The following SLF2 variants were observed in gnomAD, a reference collection of about 807,000 sequenced individuals.
SLF2 encodes SMC5-SMC6 complex localization factor protein 2.
Under a neutral mutation model 124.3 loss-of-function variants are expected in SLF2, and 68 were observed. The observed-to-expected ratio is 0.55, with a 90% CI of 0.45 to 0.67. The LOEUF is 0.67. SLF2 is among the 30% of genes least tolerant of loss of function. The probability of loss-of-function intolerance (pLI) is 0.00; values close to 1 mark genes in which losing one functional copy is unlikely to be tolerated. For synonymous variants in SLF2, 480 were observed against 478.8 expected (o/e 1.00, Z -0.03); for missense variants, 1,246 against 1,373.7 (o/e 0.91, Z 1.47).
At chr10:100,936,508 T>C (rs1053729569) in intron 9 of SLF2, among the ~76,000 whole-genome samples, 36 of 152,120 alleles carry the variant, frequency 2.4e-4, no homozygotes, top group African/African-American at 8.2e-4. Context: ...TAATTCTTTT[T>C]GTATTTTTAG....
At chr10:100,922,030 C>G (rs1849531322) in intron 4 of SLF2, among the ~76,000 whole-genome samples, 1 of 152,158 alleles carries the variant, frequency 6.6e-6, no homozygotes, top group African/African-American at 2.4e-5. Flanking sequence ...ATATATTGAT[C>G]AAGCTATCCA....
In SLF2 at chr10:100,916,573, GAC is replaced by G; in HGVS notation, c.192_193del (p.Met65ValfsTer15). The G allele has an allele frequency of 1.5e-6, 2 of 1,355,590 alleles. No homozygotes were observed. The highest frequency in any genetic ancestry group is 1.9e-6 in the Non-Finnish European group (2 of 1,046,694). The allele number at this position is 1,355,590 out of a possible 1,614,324, so 84.0% of individuals were successfully genotyped here. Reference sequence around the variant, plus strand: ...TGTGTTTTAATTGGCTATTTAGACAGACACATGTTGGATTCACCACAAAAATC... The same window carrying G: ...TGTGTTTTAATTGGCTATTTAGACAGACATGTTGGATTCACCACAAAAATC... On this transcript the variant is annotated frameshift_variant, in exon 3 of 20. Transcript: ENST00000238961. LOFTEE classifies it high-confidence loss of function.
At position 100,924,029 on chromosome 10, in the gene SLF2, C is replaced by T; in HGVS notation, c.1028C>T (p.Ser343Leu). ...AAAAGAAAAAGGAACTCTGTGGACT[C>T]AGATCTGAAAAGCACAAGAGAATCT... ...PEKRKRNSVD[S>L]DLKSTRESMI... The change falls in exon 5 of 20, where the codon TCA becomes TTA. Residue 343 changes from serine (S) to leucine (L), a missense_variant. Coordinates refer to ENST00000238961, the MANE Select transcript of SLF2 (RefSeq NM_018121.4). 1 of 1,584,578 alleles carries T rather than the reference C, an allele frequency of 6.3e-7. No individual in the cohort carries two copies. The highest frequency in any genetic ancestry group is 8.5e-7 in the Non-Finnish European group (1 of 1,170,454).
At chr10:100,939,209 T>C (rs1033980708) in intron 11 of SLF2, among the ~76,000 whole-genome samples, 3 of 152,196 alleles carry the variant, frequency 2.0e-5, no homozygotes, top group African/African-American at 7.2e-5. Context: ...TTCAAATATC[T>C]GAAGTGTAAC....
In SLF2 at chr10:100,937,404, G is replaced by T; in HGVS notation, c.2439G>T (p.Met813Ile). The stretch of plus-strand genomic sequence containing the variant: ...TGTCATTTCTCTGCTTTTGACAGAT[G>T]ATGTCAGTTCATACAGACTGTATTG... ...PVPVLKWLFR[M>I]MSVHTDCIVS... Residue 813 changes from methionine (M) to isoleucine (I), a missense_variant and splice_region_variant, in exon 10 of 20, where the codon ATG becomes ATT. Around this residue, in one of 3 missense-constraint regions of SLF2, gnomAD observed 535 missense variants for 632.8 expected, o/e 0.85. Transcript: ENST00000238961. The T allele has an allele frequency of 1.9e-6, 3 of 1,604,936 alleles. No individual in the cohort carries two copies. The highest frequency in any genetic ancestry group is 2.6e-6 in the Non-Finnish European group (3 of 1,172,108).
In SLF2 at chr10:100,916,581, T is replaced by C; in HGVS notation, c.196T>C (p.Leu66=). Reference sequence around the variant, plus strand: ...AATTGGCTATTTAGACAGACACATGTTGGATTCACCACAAAAATCAAACAT... The same window carrying C: ...AATTGGCTATTTAGACAGACACATGCTGGATTCACCACAAAAATCAAACAT... ...KPASKQDRHM[L]DSPQKSNIKY... The change falls in exon 3 of 20, where the codon TTG becomes CTG. Residue 66 remains leucine, a synonymous_variant. Coordinates refer to ENST00000238961, the MANE Select transcript of SLF2 (RefSeq NM_018121.4). 7.2e-7 allele frequency: 1 copy of C among 1,388,582 alleles called. No homozygotes were observed. The highest frequency in any genetic ancestry group is 9.4e-7 in the Non-Finnish European group (1 of 1,065,546). The allele number at this position is 1,388,582 out of a possible 1,614,324, so 86.0% of individuals were successfully genotyped here.
intron 16 of SLF2, among the ~76,000 whole-genome samples, chr10:100,950,465 C>T (rs975038957): frequency 6.6e-6 from 1 of 152,188 alleles, no homozygotes; most frequent in Non-Finnish European, 1.5e-5. Flanking sequence ...TTTATTAGGG[C>T]AGTCGTGAGG....
At chr10:100,936,956 G>A (rs899459459) in intron 9 of SLF2, among the ~76,000 whole-genome samples, 3 of 152,054 alleles carry the variant, frequency 2.0e-5, no homozygotes, top group East Asian at 1.9e-4. Context: ...TATTAGTTGG[G>A]TAGAATATTT....
chr10:100,916,818 A>G lies in SLF2; in HGVS notation c.433A>G (p.Lys145Glu), dbSNP rs146126443. The G allele has an allele frequency of 1.2e-6, 2 of 1,614,000 alleles. No individual in the cohort carries two copies. The highest frequency in any genetic ancestry group is 2.7e-5 in the African/African-American group (2 of 74,900). ...GTCACTAGCCTCCAAATATTTAGCCAAAGGAACAAATATCTATGTTCCTTC... is the reference window on the plus strand; with the variant it reads ...GTCACTAGCCTCCAAATATTTAGCCGAAGGAACAAATATCTATGTTCCTTC... Reference protein sequence around the residue: ...CLSLASKYLAKGTNIYVPSSY... With the variant: ...CLSLASKYLAEGTNIYVPSSY... Residue 145 changes from lysine (K) to glutamate (E), a missense_variant, in exon 3 of 20, where the codon AAA (lysine) becomes GAA (glutamate). Lys to Glu is a moderately conservative substitution (Grantham distance 56). Around this residue, in one of 3 missense-constraint regions of SLF2, gnomAD observed 698 missense variants for 708.9 expected, o/e 0.98. Transcript: ENST00000238961.
At chr10:100,929,244 T>C in intron 6 of SLF2, 73 bp from the exon 7 acceptor site, 1 of 1,408,078 alleles carries the variant, frequency 7.1e-7, no homozygotes, top group Non-Finnish European at 9.4e-7. Flanking sequence ...TTGTGCTGCT[T>C]TTAGATATAA....
intron 6 of SLF2, chr10:100,926,435 C>T (rs1198039096): frequency 1.6e-6 from 1 of 644,346 alleles, no homozygotes; most frequent in Non-Finnish European, 2.4e-6. Flanking sequence ...GAAACCCCAT[C>T]TCTACAAAAA....
At chr10:100,913,938 A>G (rs564310516) in intron 1 of SLF2, 82 of 910,726 alleles carry the variant, frequency 9.0e-5, no homozygotes, top group Non-Finnish European at 9.7e-5. Flanking sequence ...AGTTTTAACA[A>G]TATTCATGTT....
intron 17 of SLF2, among the ~76,000 whole-genome samples, chr10:100,950,992 A>G (rs746046867): frequency 5.9e-5 from 9 of 152,182 alleles, no homozygotes; most frequent in Non-Finnish European, 1.2e-4. Flanking sequence ...TGTAATCCCA[A>G]CACTTTGGGA....
chr10:100,947,067 A>T lies in SLF2; in HGVS notation c.2963A>T (p.Glu988Val). ...KVPELCLGIN[E>V]LSSHPHNLLW... Reference sequence around the variant, plus strand: ...CCTGAACTCTGTCTGGGCATAAATGAACTCTCCAGTCATCCCCACAACCTC... The same window carrying T: ...CCTGAACTCTGTCTGGGCATAAATGTACTCTCCAGTCATCCCCACAACCTC... Residue 988 changes from glutamate to valine, a missense_variant, in exon 14 of 20, where the codon GAA becomes GTA. By Grantham distance (121) the Glu-to-Val change is moderately radical. Coordinates refer to ENST00000238961, the MANE Select transcript of SLF2 (RefSeq NM_018121.4). The T allele has an allele frequency of 1.2e-6, 2 of 1,613,454 alleles. No homozygotes were observed. The highest frequency in any genetic ancestry group is 1.1e-5 in the South Asian group (1 of 91,030).
intron 6 of SLF2, among the ~76,000 whole-genome samples, chr10:100,928,892 C>T (rs1006977783): frequency 1.3e-5 from 2 of 152,140 alleles, no homozygotes; most frequent in Non-Finnish European, 2.9e-5. Flanking sequence ...GCTAGAAAGC[C>T]TAGTTAACTT....
At chr10:100,917,447 A>G (rs1160669019) in intron 3 of SLF2, 147 bp downstream of exon 3, 8 of 921,040 alleles carry the variant, frequency 8.7e-6, no homozygotes, top group African/African-American at 1.7e-5. Context: ...AGCTGGTTTC[A>G]TTACATTTCC....
Position 100,944,061 on chromosome 10 carries a change from G to C in SLF2, c.2690G>C (p.Ser897Thr), listed in dbSNP as rs766853703. 7 of 1,612,846 alleles carry C rather than the reference G, an allele frequency of 4.3e-6. No individual in the cohort carries two copies. Among genetic ancestry groups the C allele is most frequent in the Non-Finnish European group, 5.9e-6 (7 of 1,179,546 alleles). The change falls in exon 12 of 20, where the codon AGT (serine) becomes ACT (threonine). Residue 897 changes from serine to threonine, a missense_variant. Transcript: ENST00000238961. ...CAGACAACATCAAGGGGGAAAGAAA[G>C]TGAAGATTCATCTTATAAGCCAATT... ...ETQTTSRGKE[S>T]EDSSYKPIFS...
intron 5 of SLF2, 46 bp from the exon 6 acceptor site, chr10:100,925,903 T>TCTACTGGGATGTAA (rs760861669): frequency 1.4e-5 from 21 of 1,512,322 alleles, no homozygotes; most frequent in Non-Finnish European, 1.5e-5. Flanking sequence ...TCCCAGTTCT[T>TCTACTGGGATGTAA]CTACTAAGAC....
At chr10:100,957,319 A>G (rs11593122) in intron 18 of SLF2, among the ~76,000 whole-genome samples, 13,289 of 145,006 alleles carry the variant, frequency 0.092, 739 homozygotes, top group Non-Finnish European at 0.11. Context: ...TGTTAAAGGA[A>G]GGAGTCTTCA....
Sources: gnomAD v4.1 joint callset for allele counts (sites outside exome capture counted in the v4.1 genomes callset) on GRCh38, gnomAD v4.1.1 for gene constraint, gnomAD v4.1.1 regional missense constraint, MANE v1.5 for transcripts, NCBI Gene and HGNC (gene_info 2026-07-23, HGNC 2026-07-21) for gene names.